The following PLEKHG4B variants were observed in gnomAD, a reference collection of about 807,000 sequenced individuals.
PLEKHG4B encodes pleckstrin homology and RhoGEF domain containing G4B.
PLEKHG4B carries 111 observed loss-of-function variants against 121.3 expected under a neutral mutation model. That is an observed-to-expected ratio of 0.92 (90% CI 0.78 to 1.07). The LOEUF is 1.07. Ranked by LOEUF, PLEKHG4B falls within the 50% of genes least tolerant of loss-of-function variation. The probability of loss-of-function intolerance (pLI) is 0.00; values close to 1 mark genes in which losing one functional copy is unlikely to be tolerated. For missense variants in PLEKHG4B, 1,831 were observed against 1,757.8 expected (o/e 1.04, Z -0.74); for synonymous variants, 738 against 725.0 (o/e 1.02, Z -0.29).
chr5:149,906 T>C (rs1323437839), intron 6 of PLEKHG4B, among the ~76,000 whole-genome samples: 3 of 152,232 alleles, frequency 2.0e-5, no homozygotes, highest in Non-Finnish European at 4.4e-5. Flanking sequence ...GGAACCCTTG[T>C]GCACGGTTGA....
At chr5:135,136 C>T (rs1459388428) in intron 2 of PLEKHG4B, among the ~76,000 whole-genome samples, 1 of 132,216 alleles carries the variant, frequency 7.6e-6, no homozygotes, top group African/African-American at 2.9e-5. Flanking sequence ...TGCAGTGAGC[C>T]GAGATCACAC....
chr5:143,041 G>T lies in PLEKHG4B; in HGVS notation c.1478-6G>T. The T allele has an allele frequency of 6.2e-7, 1 of 1,612,888 alleles. No homozygotes were observed. Among genetic ancestry groups the T allele is most frequent in the Non-Finnish European group, 8.5e-7 (1 of 1,179,566 alleles). ...ATCTTTGACACGGCCTCTTTCCTTT[G>T]TCCAGACGTTCTTGCATCCTCAGCC... On this transcript the variant is annotated splice_polypyrimidine_tract_variant and splice_region_variant and intron_variant, in intron 3 of 19. Coordinates refer to ENST00000637938, the MANE Select transcript of PLEKHG4B (RefSeq NM_052909.5).
chr5:103,635 T>C (rs1733888042), intron 1 of PLEKHG4B, among the ~76,000 whole-genome samples: 2 of 152,210 alleles, frequency 1.3e-5, no homozygotes. Flanking sequence ...CATGTGATAT[T>C]TTGATACATC....
At chr5:95,313 C>G (rs1733599883) in intron 1 of PLEKHG4B, among the ~76,000 whole-genome samples, 1 of 152,086 alleles carries the variant, frequency 6.6e-6, no homozygotes, top group Non-Finnish European at 1.5e-5. Flanking sequence ...TGAGCCTGCC[C>G]ACATCCACCC....
intron 2 of PLEKHG4B, among the ~76,000 whole-genome samples, chr5:118,486 T>C (rs1296910534): frequency 1.3e-5 from 2 of 152,206 alleles, no homozygotes; most frequent in African/African-American, 2.4e-5. Flanking sequence ...TTAGAAACAT[T>C]TATCTCAAGG....
rs532801826 is a variant in PLEKHG4B, at chr5:162,642, C to T, written c.2650-80C>T. ...CCCCCTGGTCCCTGAATAGGCTGACCTGGGGAACAGCAGGGCCTGAGCTGG... is the reference window on the plus strand; with the variant it reads ...CCCCCTGGTCCCTGAATAGGCTGACTTGGGGAACAGCAGGGCCTGAGCTGG... On this transcript the variant is annotated intron_variant, in intron 12 of 19. Transcript: ENST00000637938. 52 of 1,093,028 alleles carry T rather than the reference C, an allele frequency of 4.8e-5. No homozygotes were observed. In the South Asian group the frequency reaches 1.6e-3, roughly 33 times the overall value. 67.7% of individuals were successfully genotyped at this position (1,093,028 alleles called of 1,614,324 possible). A position where few individuals can be genotyped will look rare whatever the true frequency, so the allele number is the denominator to read the frequency against.
intron 5 of PLEKHG4B, 70 bp from the exon 6 acceptor site, chr5:144,757 G>T (rs1735346936): frequency 4.4e-6 from 6 of 1,351,146 alleles, no homozygotes; most frequent in Non-Finnish European, 6.3e-6. Flanking sequence ...TAGCCTCAGA[G>T]GTGGAGAAAC....
chr5:127,438 C>T (rs1168420491), intron 2 of PLEKHG4B, among the ~76,000 whole-genome samples: 2 of 150,718 alleles, frequency 1.3e-5, no homozygotes, highest in Non-Finnish European at 2.9e-5. Flanking sequence ...ATTTCAGTTC[C>T]TTCTGAGCCT....
intron 2 of PLEKHG4B, among the ~76,000 whole-genome samples, chr5:116,349 T>C (rs1302844767): frequency 6.6e-6 from 1 of 152,200 alleles, no homozygotes; most frequent in East Asian, 1.9e-4. Flanking sequence ...ACTCTGATTA[T>C]AGATCATCAT....
Position 163,053 on chromosome 5 carries a change from C to G in PLEKHG4B, c.2981C>G (p.Pro994Arg), listed in dbSNP as rs375303944. The change falls in exon 13 of 20, where the codon CCC becomes CGC. Residue 994 changes from proline (P) to arginine (R), a missense_variant. By Grantham distance (103) the Pro-to-Arg change is moderately radical. Coordinates refer to ENST00000637938, the MANE Select transcript of PLEKHG4B (RefSeq NM_052909.5). ...AGGCACCAGAAGCCACCCTCATTCC[C>G]CAGCACGGACAGTGGGGGTGGTGCC... Reference protein sequence around the residue: ...MRRHQKPPSFPSTDSGGGAWE... With the variant: ...MRRHQKPPSFRSTDSGGGAWE... 8.5e-5 allele frequency: 132 copies of G among 1,559,816 alleles called. No homozygotes were observed. The highest frequency in any genetic ancestry group is 1.1e-4 in the Non-Finnish European group (121 of 1,152,028).
At chr5:104,402 C>T (rs1733913919) in intron 1 of PLEKHG4B, among the ~76,000 whole-genome samples, 1 of 152,220 alleles carries the variant, frequency 6.6e-6, no homozygotes, top group Non-Finnish European at 1.5e-5. Context: ...CAGCTCTTAA[C>T]ATGCAGTATC....
intron 1 of PLEKHG4B, among the ~76,000 whole-genome samples, chr5:92,541 G>C (rs1322170849): frequency 6.8e-6 from 1 of 147,980 alleles, no homozygotes; most frequent in Non-Finnish European, 1.5e-5. Context: ...CGGGGACTGG[G>C]GTGGGAGGGG....
In PLEKHG4B at chr5:113,227, T is replaced by C. The variant is rs1369181069; in HGVS notation, c.46-24T>C. The C allele has an allele frequency of 7.5e-6, 3 of 399,074 alleles. No homozygotes were observed. The allele number at this position is 399,074 out of a possible 1,614,324, so 24.7% of individuals were successfully genotyped here. ...TGTCTTGAGTTATGTCCCTAAAGTT[T>C]CTGAATTCTCTCTTTCATTTCAGGA... On this transcript the variant is annotated intron_variant, in intron 1 of 19. Coordinates refer to ENST00000637938, the MANE Select transcript of PLEKHG4B (RefSeq NM_052909.5). The surrounding 1 kb of genome is among the most constrained non-coding windows in gnomAD (Gnocchi z 5.2).
intron 2 of PLEKHG4B, among the ~76,000 whole-genome samples, chr5:127,626 G>A (rs973815581): frequency 6.6e-6 from 1 of 152,114 alleles, no homozygotes; most frequent in Admixed American, 6.5e-5. Flanking sequence ...GCAGTGGTAG[G>A]TGGCGGCCGA....
Position 137,799 on chromosome 5 carries a change from G to A in PLEKHG4B, c.244-1684G>A, listed in dbSNP as rs553992555. On this transcript the variant is annotated intron_variant, in intron 2 of 19. Transcript: ENST00000637938. This position sits in a 1 kb window ranked among gnomAD's most constrained non-coding sequence, Gnocchi z 4.2. ...GGCTGTGCTGGGCAATAGGATCGGG[G>A]ACGGACTCTGGGGGCCAGGCTCGGG... Among the ~76,000 whole-genome samples, 29 of 152,356 alleles carry A rather than the reference G, an allele frequency of 1.9e-4. No homozygotes were observed. The East Asian group carries it at 4.8e-3, about 25-fold the overall frequency.
At chr5:116,215 G>A (rs1038855929) in intron 2 of PLEKHG4B, among the ~76,000 whole-genome samples, 4 of 152,170 alleles carry the variant, frequency 2.6e-5, no homozygotes, top group African/African-American at 9.7e-5. Flanking sequence ...GGAGAGAGAT[G>A]GAGGAATGGC....
At chr5:125,891 A>G (rs1425250608) in intron 2 of PLEKHG4B, among the ~76,000 whole-genome samples, 1 of 152,038 alleles carries the variant, frequency 6.6e-6, no homozygotes, top group Non-Finnish European at 1.5e-5. Context: ...TGTCAACAGG[A>G]TTTTTTTCTT....
intron 3 of PLEKHG4B, among the ~76,000 whole-genome samples, chr5:141,887 C>T (rs976607866): frequency 6.6e-6 from 1 of 152,180 alleles, no homozygotes; most frequent in Non-Finnish European, 1.5e-5. Context: ...CCCGCGGTGC[C>T]TGGAGACAGC....
Position 139,868 on chromosome 5 carries a change from G to C in PLEKHG4B, c.629G>C (p.Ser210Thr), listed in dbSNP as rs62344125. 0.14 allele frequency: 57,206 copies of C among 399,616 alleles called. 5,542 individuals are homozygous for C. Among genetic ancestry groups the C allele is most frequent in the African/African-American group, 0.34 (16,618 of 48,520 alleles). The allele number at this position is 399,616 out of a possible 1,614,324, so 24.8% of individuals were successfully genotyped here. Residue 210 changes from serine to threonine, a missense_variant, in exon 3 of 20, where the codon AGC becomes ACC. Physicochemically the swap from Ser to Thr is moderately conservative, Grantham distance 58 (BLOSUM62 1). Coordinates refer to ENST00000637938, the MANE Select transcript of PLEKHG4B (RefSeq NM_052909.5). This position sits in a 1 kb window ranked among gnomAD's most constrained non-coding sequence, Gnocchi z 5.0. ...FVPSPGAILQ[S>T]YSSCTGPERL... ...CCCAGCCCTGGAGCCATCCTGCAGA[G>C]CTACTCCAGCTGCACAGGTCCTGAG...
Sources: gnomAD v4.1 joint callset for allele counts (sites outside exome capture counted in the v4.1 genomes callset) on GRCh38, gnomAD v4.1.1 for gene constraint, Gnocchi (gnomAD v3.1) non-coding constraint, MANE v1.5 for transcripts, NCBI Gene and HGNC (gene_info 2026-07-23, HGNC 2026-07-21) for gene names.